FMNL2: variants seen among roughly 807,000 people sequenced by gnomAD.
The protein encoded by FMNL2 is formin like 2.
In FMNL2, 51 loss-of-function variants were observed where a neutral mutation model predicts 130.2. The ratio of observed to expected loss-of-function variants is 0.39; its 90% CI spans 0.31 to 0.49. The LOEUF (loss-of-function observed/expected upper bound fraction) is 0.49, where lower values mean the gene tolerates loss of function less well. FMNL2 is among the 20% of genes least tolerant of loss of function. FMNL2 has a pLI of 0.85. For missense variants in FMNL2, 977 were observed against 1,316.2 expected, an observed-to-expected ratio of 0.74 and a Z score of 3.99; for synonymous variants, 465 against 467.1, an observed-to-expected ratio of 1.00 and a Z score of 0.06.
In FMNL2 at chr2:152,335,370, A is replaced by C; in HGVS notation, c.-234A>C. The C allele has an allele frequency of 2.4e-5, 6 of 247,588 alleles. No homozygotes were observed. The highest frequency in any genetic ancestry group is 3.8e-5 in the Non-Finnish European group (5 of 131,778). The allele number at this position is 247,588 out of a possible 1,614,324, so 15.3% of individuals were successfully genotyped here. On this transcript the variant is annotated 5_prime_UTR_variant, in exon 1 of 26. Coordinates refer to ENST00000288670, the MANE Select transcript of FMNL2 (RefSeq NM_052905.4). ...GCGCCCCAACTACCCCTCCCGAGGA[A>C]AAGAGGCCGGGGCCGCGCTGGGGCG... is the stretch of plus-strand genomic sequence containing the variant.
intron 1 of FMNL2, among the ~76,000 whole-genome samples, chr2:152,508,958 A>G (rs529575033): frequency 6.6e-6 from 1 of 152,294 alleles, no homozygotes; most frequent in South Asian, 2.1e-4. Context: ...TGCTTCCCAG[A>G]AATTCTTTGT....
In FMNL2 at chr2:152,509,737, C is replaced by CTT. The variant is rs138976882; in HGVS notation, c.118-12181_118-12180dup. Among the ~76,000 whole-genome samples the CTT allele has an allele frequency of 4.2e-3, 247 of 58,664 alleles. 64 individuals carry two copies. The highest frequency in any genetic ancestry group is 0.024 in the East Asian group (39 of 1,594). 38.5% of individuals were successfully genotyped at this position (58,664 alleles called of 152,430 possible). A position where few individuals can be genotyped will look rare whatever the true frequency, so the allele number is the denominator to read the frequency against. ...GAGAAGGTATATCTGTACTCTGGAC[C>CTT]TTTTTTTTTTTTTTTTTTTTTTTTT... On this transcript the variant is annotated intron_variant, in intron 1 of 25. Coordinates refer to ENST00000288670, the MANE Select transcript of FMNL2 (RefSeq NM_052905.4).
At chr2:152,588,984 A>C (rs781038408) in intron 9 of FMNL2, among the ~76,000 whole-genome samples, 1 of 151,866 alleles carries the variant, frequency 6.6e-6, no homozygotes, top group South Asian at 2.1e-4. Flanking sequence ...AAATCTTACC[A>C]TTCATATTTC....
chr2:152,633,282 G>T (rs1360369648), intron 21 of FMNL2, among the ~76,000 whole-genome samples: 2 of 152,014 alleles, frequency 1.3e-5, no homozygotes. Flanking sequence ...TTTTTGTAGA[G>T]ATGGGGTCTC....
rs1185707926 is a variant in FMNL2, at chr2:152,588,374, C to T, written c.876+7325C>T. On this transcript the variant is annotated intron_variant, in intron 9 of 25. Coordinates refer to ENST00000288670, the MANE Select transcript of FMNL2 (RefSeq NM_052905.4). Reference sequence around the variant, plus strand: ...TTCTCTGTCCTTCTTCCTTTAAGGACCCTTGTGATGACATTGGGCCCATCC... The same window carrying T: ...TTCTCTGTCCTTCTTCCTTTAAGGATCCTTGTGATGACATTGGGCCCATCC... Among the ~76,000 whole-genome samples the T allele has an allele frequency of 4.6e-5, 7 of 152,188 alleles. No homozygotes were observed. The East Asian group carries it at 1.4e-3, about 29-fold the overall frequency.
chr2:152,415,806 C>G (rs929078255), intron 1 of FMNL2, among the ~76,000 whole-genome samples: 1 of 152,172 alleles, frequency 6.6e-6, no homozygotes, highest in African/African-American at 2.4e-5. Context: ...GATAAATTAG[C>G]AAGTAGTTTC....
intron 9 of FMNL2, among the ~76,000 whole-genome samples, chr2:152,592,058 G>A (rs1697472943): frequency 6.6e-6 from 1 of 151,226 alleles, no homozygotes; most frequent in Admixed American, 6.6e-5. Context: ...AGCCTAGATC[G>A]CGCCACTGCA....
intron 2 of FMNL2, among the ~76,000 whole-genome samples, chr2:152,531,747 A>G (rs964089139): frequency 3.9e-5 from 6 of 152,278 alleles, no homozygotes; most frequent in Admixed American, 2.6e-4. Flanking sequence ...GGCGTGAACT[A>G]CTGTACCCAG....
chr2:152,386,727 C>T (rs1192526977), intron 1 of FMNL2, among the ~76,000 whole-genome samples: 2 of 152,178 alleles, frequency 1.3e-5, no homozygotes, highest in East Asian at 1.9e-4. Flanking sequence ...AGGTGTTTTT[C>T]ATTGACCTGG....
chr2:152,501,297 A>G (rs1179227533), intron 1 of FMNL2, among the ~76,000 whole-genome samples: 2 of 152,234 alleles, frequency 1.3e-5, no homozygotes, highest in African/African-American at 4.8e-5. Context: ...TTGCTTTTCT[A>G]AAGTGACTCG....
At chr2:152,596,482 G>T (rs1697779822) in intron 9 of FMNL2, among the ~76,000 whole-genome samples, 2 of 152,126 alleles carry the variant, frequency 1.3e-5, no homozygotes, top group Non-Finnish European at 2.9e-5. Context: ...CATCATCTTT[G>T]TAGAAATAGA....
At chr2:152,647,695 C>T (rs1683710269) in intron 25 of FMNL2, 101 bp from the exon 26 acceptor site, 3 of 1,102,268 alleles carry the variant, frequency 2.7e-6, no homozygotes, top group Non-Finnish European at 2.8e-6. Flanking sequence ...GCTGACTTTT[C>T]TACACAAGCT....
chr2:152,417,092 C>T (rs1686658413), intron 1 of FMNL2, among the ~76,000 whole-genome samples: 1 of 152,216 alleles, frequency 6.6e-6, no homozygotes, highest in South Asian at 2.1e-4. Flanking sequence ...GTATTAACTT[C>T]TACACGATTA....
chr2:152,565,768 T>C (rs981383667), intron 6 of FMNL2, among the ~76,000 whole-genome samples: 2 of 147,620 alleles, frequency 1.4e-5, no homozygotes. Flanking sequence ...GTTTTTCTTA[T>C]GATGATGATG....
intron 1 of FMNL2, among the ~76,000 whole-genome samples, chr2:152,338,834 C>CACACACACACACACACACACACAT (rs1553862424): frequency 5.3e-5 from 8 of 150,200 alleles, no homozygotes; most frequent in Non-Finnish European, 7.4e-5. Flanking sequence ...CACACACACA[C>CACACACACACACACACACACACAT]ACACACACAC....
intron 1 of FMNL2, among the ~76,000 whole-genome samples, chr2:152,364,259 G>GGTTT (rs1553868318): frequency 3.0e-5 from 3 of 100,798 alleles, no homozygotes; most frequent in African/African-American, 1.3e-4. Flanking sequence ...GGAGGTTTGT[G>GGTTT]TGTTTTTTTT....
chr2:152,507,805 A>G lies in FMNL2; in HGVS notation c.118-14138A>G, dbSNP rs111794331. On this transcript the variant is annotated intron_variant, in intron 1 of 25. Coordinates refer to ENST00000288670, the MANE Select transcript of FMNL2 (RefSeq NM_052905.4). ...GAGATCTTTTTGTTCTCATTTTCAA[A>G]TAGAAACACCGAGACTCAGAGAAAT... Among the ~76,000 whole-genome samples the G allele has an allele frequency of 6.4e-3, 973 of 152,152 alleles. 7 individuals are homozygous for G. Among genetic ancestry groups the G allele is most frequent in the African/African-American group, 0.022 (920 of 41,492 alleles).
At chr2:152,645,346 G>C in intron 25 of FMNL2, 5 of 599,138 alleles carry the variant, frequency 8.3e-6, no homozygotes, top group Non-Finnish European at 1.1e-5. Flanking sequence ...ACATGCCTGG[G>C]AATGTTGAGC....
At chr2:152,418,842 CAT>C (rs1462075144) in intron 1 of FMNL2, among the ~76,000 whole-genome samples, 1 of 152,128 alleles carries the variant, frequency 6.6e-6, no homozygotes, top group African/African-American at 2.4e-5. Flanking sequence ...GTTGCTGAAT[CAT>C]ATGGTAATTC....
Sources: allele counts gnomAD v4.1 joint callset (sites outside exome capture counted in the v4.1 genomes callset), GRCh38; gene constraint gnomAD v4.1.1; transcripts MANE v1.5; gene names NCBI Gene and HGNC (gene_info 2026-07-23, HGNC 2026-07-21).